UBE2O: variants seen among roughly 807,000 people sequenced by gnomAD.
The protein encoded by UBE2O is ubiquitin conjugating enzyme E2 O.
A neutral mutation model predicts 125.8 loss-of-function variants in UBE2O; 15 were observed. The ratio of observed to expected loss-of-function variants is 0.12; its 90% CI spans 0.08 to 0.18. The LOEUF (loss-of-function observed/expected upper bound fraction) is 0.18. Ranked by LOEUF, UBE2O falls within the 10% of genes least tolerant of loss-of-function variation. UBE2O has a pLI of 1.00. For missense variants in UBE2O, 1,280 were observed against 1,723.6 expected, an observed-to-expected ratio of 0.74 and a Z score of 4.56; for synonymous variants, 708 against 703.2, an observed-to-expected ratio of 1.01 and a Z score of -0.11.
At chr17:76,397,313 G>T (rs1440726970) in intron 13 of UBE2O, among the ~76,000 whole-genome samples, 1 of 152,108 alleles carries the variant, frequency 6.6e-6, no homozygotes, top group East Asian at 1.9e-4. Flanking sequence ...CCTGCCCCCT[G>T]TGTGGACCAG....
intron 1 of UBE2O, among the ~76,000 whole-genome samples, chr17:76,451,651 C>T (rs2073245053): frequency 6.6e-6 from 1 of 152,152 alleles, no homozygotes; most frequent in South Asian, 2.1e-4. Flanking sequence ...TCCAAAGTGC[C>T]CTCCCCTGAA....
intron 1 of UBE2O, among the ~76,000 whole-genome samples, chr17:76,422,560 G>A (rs924306339): frequency 6.6e-5 from 10 of 152,216 alleles, no homozygotes; most frequent in East Asian, 1.9e-4. Context: ...GCAGGTGTCC[G>A]AGCAGGACGG....
Position 76,405,113 on chromosome 17 carries a change from G to A in UBE2O, c.588+93C>T. 1.1e-6 allele frequency: 1 copy of A among 945,006 alleles called. No individual in the cohort carries two copies. The highest frequency in any genetic ancestry group is 2.5e-5 in the East Asian group (1 of 39,366). The allele number at this position is 945,006 out of a possible 1,614,324, so 58.5% of individuals were successfully genotyped here. ...TTCTGACCCAGGAAGGCTGTGCTTG[G>A]CAAGAGCACGGAGGAGGCTGTAGCC... On this transcript the variant is annotated intron_variant, in intron 3 of 17. Transcript: ENST00000319380. This position sits in a 1 kb window ranked among gnomAD's most constrained non-coding sequence, Gnocchi z 6.1.
chr17:76,425,257 GA>G (rs1039062118), intron 1 of UBE2O, among the ~76,000 whole-genome samples: 3 of 109,658 alleles, frequency 2.7e-5, no homozygotes, highest in Non-Finnish European at 6.1e-5. Flanking sequence ...AAAAGTAAAA[GA>G]AAAAAATGTG....
Position 76,402,597 on chromosome 17 carries a change from TC to T in UBE2O, c.686+4del. 6.2e-7 allele frequency: 1 copy of T among 1,613,672 alleles called. No homozygotes were observed. Among genetic ancestry groups the T allele is most frequent in the Non-Finnish European group, 8.5e-7 (1 of 1,179,606 alleles). ...GCCGATGGCTCTCTGGTGGTGAGAC[TC>T]TACCTGGCGCCGTTGGATAGCTTCA... On this transcript the variant is annotated splice_donor_region_variant and intron_variant, in intron 4 of 17. Transcript: ENST00000319380. The surrounding 1 kb of genome is among the most constrained non-coding windows in gnomAD (Gnocchi z 5.4).
chr17:76,397,150 A>T (rs957448498), intron 13 of UBE2O, among the ~76,000 whole-genome samples: 3 of 152,172 alleles, frequency 2.0e-5, no homozygotes, highest in Non-Finnish European at 4.4e-5. Flanking sequence ...CACACCTGAA[A>T]AGCGCAGGGT....
At chr17:76,407,288 A>G (rs2072440508) in intron 1 of UBE2O, among the ~76,000 whole-genome samples, 1 of 152,232 alleles carries the variant, frequency 6.6e-6, no homozygotes, top group South Asian at 2.1e-4. Context: ...CCAAGACCCC[A>G]GGAGGCTGGA....
intron 1 of UBE2O, among the ~76,000 whole-genome samples, chr17:76,434,774 C>CATT (rs1024634719): frequency 1.2e-4 from 17 of 139,158 alleles, no homozygotes; most frequent in African/African-American, 4.4e-4. Context: ...TTCACTTAAG[C>CATT]TTTTTTTTTT....
chr17:76,430,562 A>G, intron 1 of UBE2O: 1 of 264,460 alleles, frequency 3.8e-6, no homozygotes, highest in Non-Finnish European at 7.7e-6. Context: ...CATGAATCAG[A>G]TCCTCGATGC....
chr17:76,402,189 G>C lies in UBE2O; in HGVS notation c.687-62C>G. On this transcript the variant is annotated intron_variant, in intron 4 of 17. Transcript: ENST00000319380. The surrounding 1 kb of genome is among the most constrained non-coding windows in gnomAD (Gnocchi z 5.4). ...GACACAGTGAGTACCAAAAAGTTGCGATTCTGAGATGCCAATGCGCCCACA... is the reference window on the plus strand; with the variant it reads ...GACACAGTGAGTACCAAAAAGTTGCCATTCTGAGATGCCAATGCGCCCACA... 1.3e-6 allele frequency: 2 copies of C among 1,510,338 alleles called. No individual in the cohort carries two copies. Among genetic ancestry groups the C allele is most frequent in the Non-Finnish European group, 1.8e-6 (2 of 1,094,928 alleles). The allele number at this position is 1,510,338 out of a possible 1,614,324, so 93.6% of individuals were successfully genotyped here. A position where few individuals can be genotyped will look rare whatever the true frequency, so the allele number is the denominator to read the frequency against.
At chr17:76,403,874 G>C (rs1321527145) in intron 3 of UBE2O, among the ~76,000 whole-genome samples, 1 of 151,902 alleles carries the variant, frequency 6.6e-6, no homozygotes, top group African/African-American at 2.4e-5. Flanking sequence ...CATGTGAGAA[G>C]GACATGAAAG....
Position 76,404,360 on chromosome 17 carries a change from C to T in UBE2O, c.588+846G>A, listed in dbSNP as rs1002563853. 5.3e-5 allele frequency among the ~76,000 whole-genome samples: 8 copies of T among 152,160 alleles called. No individual in the cohort carries two copies. Among genetic ancestry groups the T allele is most frequent in the South Asian group, 2.1e-4 (1 of 4,824 alleles). Reference sequence around the variant, plus strand: ...CATGAACCAGGGCAGAGCTCTGCGGCGGGCCTGCCAAGAACACGTGGGCAT... The same window carrying T: ...CATGAACCAGGGCAGAGCTCTGCGGTGGGCCTGCCAAGAACACGTGGGCAT... On this transcript the variant is annotated intron_variant, in intron 3 of 17. Transcript: ENST00000319380. This position sits in a 1 kb window ranked among gnomAD's most constrained non-coding sequence, Gnocchi z 4.3.
intron 1 of UBE2O, among the ~76,000 whole-genome samples, chr17:76,441,203 G>C (rs1217377635): frequency 6.6e-6 from 1 of 152,194 alleles, no homozygotes; most frequent in East Asian, 1.9e-4. Context: ...ATTGACACTG[G>C]CTGGATAAAA....
rs2072193432 is a variant in UBE2O, at chr17:76,395,597, G to A, written c.2946+128C>T. ...TGAGCCTGTGACCGCCCCTGTAAAA[G>A]GTGGGTGGGTGAGTGTCCTCGCAGG... On this transcript the variant is annotated intron_variant, in intron 15 of 17. Coordinates refer to ENST00000319380, the MANE Select transcript of UBE2O (RefSeq NM_022066.4). This position sits in a 1 kb window ranked among gnomAD's most constrained non-coding sequence, Gnocchi z 5.0. 4 of 1,147,446 alleles carry A rather than the reference G, an allele frequency of 3.5e-6. No individual in the cohort carries two copies. Among genetic ancestry groups the A allele is most frequent in the Admixed American group, 2.3e-5 (1 of 42,952 alleles). The allele number at this position is 1,147,446 out of a possible 1,614,324, so 71.1% of individuals were successfully genotyped here.
At position 76,396,170 on chromosome 17, in the gene UBE2O, T is replaced by A. The variant is rs1215303344; in HGVS notation, c.2767A>T (p.Ser923Cys). ...CGGKPGVTFT[S>C]AKGEVFSVLE... The stretch of plus-strand genomic sequence containing the variant: ...ACGGAGAAGACCTCGCCCTTGGCGC[T>A]GGTGAAGGTGACGCCAGGCTTGCCG... Residue 923 changes from serine to cysteine, a missense_variant, in exon 14 of 18, where the codon AGC becomes TGC. Around this residue, in one of 10 missense-constraint regions of UBE2O, gnomAD observed 116 missense variants for 154.8 expected, o/e 0.75. Coordinates refer to ENST00000319380, the MANE Select transcript of UBE2O (RefSeq NM_022066.4). This position sits in a 1 kb window ranked among gnomAD's most constrained non-coding sequence, Gnocchi z 6.7. 6.2e-7 allele frequency: 1 copy of A among 1,613,522 alleles called. No individual in the cohort carries two copies. The highest frequency in any genetic ancestry group is 1.1e-5 in the South Asian group (1 of 91,044).
At position 76,399,572 on chromosome 17, in the gene UBE2O, G is replaced by A; in HGVS notation, c.1505C>T (p.Thr502Ile). 1 of 1,614,256 alleles carries A rather than the reference G, an allele frequency of 6.2e-7. No individual in the cohort carries two copies. Among genetic ancestry groups the A allele is most frequent in the Non-Finnish European group, 8.5e-7 (1 of 1,180,038 alleles). Reference sequence around the variant, plus strand: ...CGTGCCGCTGCCGCTCTGGGAGGAAGTGGTGGAGCTGGCAGAGGAGGTCAC... The same window carrying A: ...CGTGCCGCTGCCGCTCTGGGAGGAAATGGTGGAGCTGGCAGAGGAGGTCAC... ...SSVTSSASSTTSSQSGSGTSR... is the reference protein window; with the variant it reads ...SSVTSSASSTISSQSGSGTSR... Residue 502 changes from threonine to isoleucine, a missense_variant, in exon 9 of 18, where the codon ACT becomes ATT. Physicochemically the swap from Thr to Ile is moderately conservative, Grantham distance 89 (BLOSUM62 -1). Transcript: ENST00000319380. The surrounding 1 kb of genome is among the most constrained non-coding windows in gnomAD (Gnocchi z 6.9).
At chr17:76,407,913 C>T (rs61028962) in intron 1 of UBE2O, among the ~76,000 whole-genome samples, 16,396 of 152,234 alleles carry the variant, frequency 0.11, 1,158 homozygotes, top group South Asian at 0.22. Flanking sequence ...CTCCAAAGAC[C>T]TGATGGTGCT....
At chr17:76,403,994 A>T (rs1242996960) in intron 3 of UBE2O, among the ~76,000 whole-genome samples, 2 of 152,208 alleles carry the variant, frequency 1.3e-5, no homozygotes, top group African/African-American at 4.8e-5. Context: ...CTCTAAGTCC[A>T]TACTGATAAA....
At position 76,395,636 on chromosome 17, in the gene UBE2O, C is replaced by T. The variant is rs374829321; in HGVS notation, c.2946+89G>A. ...TGTCCTCGCAGGTGCCAGTCAGCCC[C>T]GGAGGTTTGGGGACCCAAGGTTGGT... On this transcript the variant is annotated intron_variant, in intron 15 of 17. Coordinates refer to ENST00000319380, the MANE Select transcript of UBE2O (RefSeq NM_022066.4). This position sits in a 1 kb window ranked among gnomAD's most constrained non-coding sequence, Gnocchi z 5.0. 4.3e-5 allele frequency: 65 copies of T among 1,501,476 alleles called. No homozygotes were observed. Among genetic ancestry groups the T allele is most frequent in the East Asian group, 9.1e-5 (4 of 44,098 alleles). The allele number at this position is 1,501,476 out of a possible 1,614,324, so 93.0% of individuals were successfully genotyped here.
Sources: allele counts gnomAD v4.1 joint callset (sites outside exome capture counted in the v4.1 genomes callset), GRCh38; gene constraint gnomAD v4.1.1; regional missense constraint gnomAD v4.1.1; non-coding constraint Gnocchi (gnomAD v3.1); transcripts MANE v1.5; gene names NCBI Gene and HGNC (gene_info 2026-07-23, HGNC 2026-07-21).